Variants in MACROD1 observed in about 807,000 individuals in gnomAD.
MACROD1 encodes the protein ADP-ribose glycohydrolase MACROD1.
A neutral mutation model predicts 41.4 loss-of-function variants in MACROD1; 31 were observed. The observed-to-expected ratio is 0.75, with a 90% CI of 0.56 to 1.01. MACROD1 has a LOEUF of 1.01. MACROD1 is among the 50% of genes least tolerant of loss of function. The pLI is 0.00. For missense variants in MACROD1, 473 were observed against 460.0 expected, an observed-to-expected ratio of 1.03 and a Z score of -0.26; for synonymous variants, 252 against 203.4, an observed-to-expected ratio of 1.24 and a Z score of -2.03.
chr11:64,023,441 G>A (rs559991184), intron 3 of MACROD1, among the ~76,000 whole-genome samples: 4 of 152,204 alleles, frequency 2.6e-5, no homozygotes, highest in Admixed American at 1.3e-4. Flanking sequence ...AAAAATGCCC[G>A]TAAAACCTAC....
At chr11:64,102,336 G>A (rs933958683) in intron 3 of MACROD1, among the ~76,000 whole-genome samples, 9 of 151,728 alleles carry the variant, frequency 5.9e-5, no homozygotes, top group Non-Finnish European at 1.3e-4. Flanking sequence ...GTGTGGAAGA[G>A]GAGGGCGGCT....
intron 3 of MACROD1, among the ~76,000 whole-genome samples, chr11:64,055,742 G>A (rs1177458281): frequency 1.3e-5 from 2 of 152,182 alleles, no homozygotes; most frequent in African/African-American, 2.4e-5. Context: ...GGAGTGGCAG[G>A]GGGATTCCCT....
chr11:64,092,437 C>G (rs910572615), intron 3 of MACROD1, among the ~76,000 whole-genome samples: 1 of 152,182 alleles, frequency 6.6e-6, no homozygotes, highest in East Asian at 1.9e-4. Flanking sequence ...GCTGGTGGGG[C>G]CTCCCAGGGG....
intron 3 of MACROD1, among the ~76,000 whole-genome samples, chr11:64,101,277 A>G (rs1367750420): frequency 2.0e-5 from 3 of 151,924 alleles, no homozygotes; most frequent in Admixed American, 6.6e-5. Flanking sequence ...GCCCTTGGAG[A>G]CTACTGTAGG....
At chr11:64,000,446 C>T (rs1565189268) in intron 4 of MACROD1, 103 bp from the exon 5 acceptor site, 10 of 701,710 alleles carry the variant, frequency 1.4e-5, no homozygotes, top group Non-Finnish European at 1.7e-5. Flanking sequence ...AGGACCCATG[C>T]GGAGCCGCGC....
chr11:64,097,742 C>T (rs1009223944), intron 3 of MACROD1, among the ~76,000 whole-genome samples: 5 of 152,128 alleles, frequency 3.3e-5, no homozygotes, highest in Non-Finnish European at 5.9e-5. Context: ...GGGCCCGGAG[C>T]GAGTGGGCAG....
chr11:64,103,650 G>A (rs1944710031), intron 3 of MACROD1: 1 of 152,112 alleles, frequency 6.6e-6, no homozygotes, highest in Non-Finnish European at 1.5e-5. Context: ...CTTCAGAAGA[G>A]GTGGCGGGCT....
At chr11:64,135,244 T>C (rs527642138) in intron 3 of MACROD1, among the ~76,000 whole-genome samples, 36 of 152,306 alleles carry the variant, frequency 2.4e-4, no homozygotes, top group Admixed American at 3.3e-4. Context: ...GCAGGGACCA[T>C]ATGACAAATG....
At chr11:64,162,597 G>A (rs1386244374) in intron 1 of MACROD1, among the ~76,000 whole-genome samples, 1 of 151,524 alleles carries the variant, frequency 6.6e-6, no homozygotes, top group Non-Finnish European at 1.5e-5. Context: ...GGCAGATCAC[G>A]AGGTCAGGAG....
intron 3 of MACROD1, among the ~76,000 whole-genome samples, chr11:64,077,710 A>G (rs1298573788): frequency 6.6e-6 from 1 of 152,136 alleles, no homozygotes; most frequent in Non-Finnish European, 1.5e-5. Flanking sequence ...TCAGCATTCA[A>G]ACAGGTCTCA....
chr11:64,093,511 G>C (rs1944526516), intron 3 of MACROD1, among the ~76,000 whole-genome samples: 1 of 152,226 alleles, frequency 6.6e-6, no homozygotes, highest in Admixed American at 6.5e-5. Context: ...GGGGCAGCCT[G>C]GCCCACCTTT....
intron 3 of MACROD1, among the ~76,000 whole-genome samples, chr11:64,061,055 G>A (rs1943893314): frequency 2.0e-5 from 3 of 152,268 alleles, no homozygotes; most frequent in Admixed American, 6.5e-5. Context: ...TTGATGGAAA[G>A]GGCTTGGCGT....
rs78537822 is a variant in MACROD1, at chr11:64,029,592, C to T, written c.518-14311G>A. Among the ~76,000 whole-genome samples the T allele has an allele frequency of 1.4e-3, 209 of 151,866 alleles. 2 individuals carry two copies. The East Asian group carries it at 0.034, about 24-fold the overall frequency. On this transcript the variant is annotated intron_variant, in intron 3 of 10. Coordinates refer to ENST00000255681, the MANE Select transcript of MACROD1 (RefSeq NM_014067.4). ...CACCTGCCACAGACTCTGCACCATC[C>T]AGAAGGCCCAGTCTCTCTCCTGGAG...
rs963203468 is a variant in MACROD1 at position 64,123,565 on chromosome 11, G to A, written c.517+27674C>T. On this transcript the variant is annotated intron_variant, in intron 3 of 10. Coordinates refer to ENST00000255681, the MANE Select transcript of MACROD1 (RefSeq NM_014067.4). ...GGGGGGTTGGGGGTGCAAGATGGGGGCACCTGCCCTGGCTTGGCTCCCTGG... is the reference window on the plus strand; with the variant it reads ...GGGGGGTTGGGGGTGCAAGATGGGGACACCTGCCCTGGCTTGGCTCCCTGG... Among the ~76,000 whole-genome samples the A allele has an allele frequency of 4.8e-4, 72 of 151,180 alleles. 1 individual carries two copies. The highest frequency in any genetic ancestry group is 1.6e-3 in the African/African-American group (64 of 40,886).
intron 3 of MACROD1, among the ~76,000 whole-genome samples, chr11:64,031,453 T>A (rs1038015620): frequency 1.0e-4 from 15 of 145,668 alleles, no homozygotes; most frequent in African/African-American, 3.1e-4. Flanking sequence ...TGCTGGAGCC[T>A]GCCTGCCTGC....
intron 4 of MACROD1, among the ~76,000 whole-genome samples, chr11:64,010,611 AGGTGTTGGCTGG>A (rs1354245389): frequency 6.4e-5 from 3 of 47,020 alleles, no homozygotes; most frequent in Admixed American, 2.3e-4. Flanking sequence ...ATGTTGCTTG[AGGTGTTGGCTGG>A]GGTGTTGGTT....
intron 3 of MACROD1, among the ~76,000 whole-genome samples, chr11:64,106,673 T>C (rs1053265367): frequency 5.9e-5 from 9 of 152,144 alleles, no homozygotes; most frequent in African/African-American, 2.2e-4. Context: ...CTGGTCACAC[T>C]GCTCCTCTCC....
intron 3 of MACROD1, among the ~76,000 whole-genome samples, chr11:64,052,513 C>T (rs1041604324): frequency 6.6e-6 from 1 of 152,152 alleles, no homozygotes; most frequent in African/African-American, 2.4e-5. Flanking sequence ...GAAGTTAGCC[C>T]TTCTGAGGTT....
At chr11:64,129,687 C>G (rs903648760) in intron 3 of MACROD1, among the ~76,000 whole-genome samples, 17 of 152,286 alleles carry the variant, frequency 1.1e-4, no homozygotes, top group Admixed American at 8.5e-4. Context: ...AGGGTGGGGC[C>G]TGTTCCCCAA....
Sources: allele counts gnomAD v4.1 joint callset (sites outside exome capture counted in the v4.1 genomes callset), GRCh38; gene constraint gnomAD v4.1.1; transcripts MANE v1.5; gene names NCBI Gene and HGNC (gene_info 2026-07-23, HGNC 2026-07-21).